COL4A6: variants seen among roughly 807,000 people sequenced by gnomAD.
The protein encoded by COL4A6 is collagen alpha-6(IV) chain.
A neutral mutation model predicts 126.7 loss-of-function variants in COL4A6; 59 were observed. That is an observed-to-expected ratio of 0.47 (90% CI 0.38 to 0.58). The LOEUF (loss-of-function observed/expected upper bound fraction) is 0.58, where lower values mean the gene tolerates loss of function less well. Ranked by LOEUF, COL4A6 falls within the 20% of genes least tolerant of loss-of-function variation. The probability of loss-of-function intolerance (pLI) is 0.00; values close to 1 mark genes in which losing one functional copy is unlikely to be tolerated. For missense variants in COL4A6, 1,285 were observed against 1,337.3 expected, an observed-to-expected ratio of 0.96 and a Z score of 0.61; for synonymous variants, 547 against 496.6, an observed-to-expected ratio of 1.10 and a Z score of -1.35.
chrX:108,343,459 G>C (rs1388072204), intron 2 of COL4A6, among the ~76,000 whole-genome samples: 2 of 110,265 alleles, frequency 1.8e-5, no homozygotes, highest in Non-Finnish European at 3.8e-5. Flanking sequence ...TTATAAAATA[G>C]TCCTTCTTTC....
chrX:108,158,004 A>G lies in COL4A6; in HGVS notation c.4813-744T>C, dbSNP rs146907358. Among the ~76,000 whole-genome samples, 27 of 111,965 alleles carry G rather than the reference A, an allele frequency of 2.4e-4. 2 individuals are homozygous for G. The Admixed American group carries it at 2.5e-3, about 11-fold the overall frequency. Reference sequence around the variant, plus strand: ...ATGAGACAAATGCCCAAGTTGGCACACAGGGACTCCTTACTTTGCAGAACT... The same window carrying G: ...ATGAGACAAATGCCCAAGTTGGCACGCAGGGACTCCTTACTTTGCAGAACT... On this transcript the variant is annotated intron_variant, in intron 44 of 44. Coordinates refer to ENST00000334504, the MANE Select transcript of COL4A6 (RefSeq NM_033641.4).
At chrX:108,304,352 A>G (rs1437535720) in intron 3 of COL4A6, among the ~76,000 whole-genome samples, 3 of 111,798 alleles carry the variant, frequency 2.7e-5, no homozygotes, top group Non-Finnish European at 5.6e-5. Context: ...ATGTTTTAAC[A>G]CTATCATTAA....
chrX:108,193,749 A>G lies in COL4A6; in HGVS notation c.1003-52T>C, dbSNP rs370906343. The G allele has an allele frequency of 3.7e-5, 37 of 1,012,279 alleles. No individual in the cohort carries two copies. The East Asian group carries it at 9.2e-4, about 25-fold the overall frequency. 83.4% of individuals were successfully genotyped at this position (1,012,279 alleles called of 1,213,427 possible). A position where few individuals can be genotyped will look rare whatever the true frequency, so the allele number is the denominator to read the frequency against. ...AAATATTTCCATTTCCTTATTACCC[A>G]AGATCTATGTGCCATTAAAGCCCAT... On this transcript the variant is annotated intron_variant, in intron 16 of 44. Transcript: ENST00000334504.
intron 2 of COL4A6, among the ~76,000 whole-genome samples, chrX:108,358,545 C>G (rs1477152661): frequency 9.1e-6 from 1 of 110,325 alleles, no homozygotes; most frequent in Non-Finnish European, 1.9e-5. Flanking sequence ...CAGGCGTGAG[C>G]CACTGCACCT....
At chrX:108,166,646 GA>G (rs2034137305) in intron 37 of COL4A6, among the ~76,000 whole-genome samples, 1 of 111,350 alleles carries the variant, frequency 9.0e-6, no homozygotes, top group South Asian at 3.7e-4. Flanking sequence ...TTTAGACAAA[GA>G]AAAAATAAAT....
intron 2 of COL4A6, among the ~76,000 whole-genome samples, chrX:108,382,686 C>A (rs897786859): frequency 9.1e-6 from 1 of 110,379 alleles, no homozygotes; most frequent in African/African-American, 3.3e-5. Context: ...GTGGCTCACG[C>A]TTGTAAACCC....
At chrX:108,159,123 A>G (rs1164365820) in intron 44 of COL4A6, among the ~76,000 whole-genome samples, 3 of 111,517 alleles carry the variant, frequency 2.7e-5, no homozygotes, top group African/African-American at 9.8e-5. Context: ...CCAAGTGGTG[A>G]CAGCCTCTCC....
At position 108,226,980 on chromosome X, in the gene COL4A6, C is replaced by A. The variant is rs1194718363; in HGVS notation, c.145-5606G>T. ...CTCTCCTAACCTCCTACTCCAGGGC[C>A]TTTTTATGTGCTTTTGTATATGGCT... On this transcript the variant is annotated intron_variant, in intron 3 of 44. Transcript: ENST00000334504. 2.7e-5 allele frequency among the ~76,000 whole-genome samples: 3 copies of A among 111,659 alleles called. No individual in the cohort carries two copies. The Admixed American group carries it at 2.9e-4, about 11-fold the overall frequency.
chrX:108,397,626 G>A (rs1210869989), intron 2 of COL4A6, among the ~76,000 whole-genome samples: 1 of 81,503 alleles, frequency 1.2e-5, no homozygotes, highest in African/African-American at 4.5e-5. Flanking sequence ...AAGCAGAGAG[G>A]AGCCATCTAA....
chrX:108,214,184 A>T lies in COL4A6; in HGVS notation c.369T>A (p.Asp123Glu). ...QPGPRGPPGL[D>E]GCNGTQGAVG... ...CAGCTCCTTGAGTTCCATTACAGCC[A>T]TCCAGACCAGGTGGGCCTCTGGGGC... The change falls in exon 6 of 45, where the codon GAT becomes GAA. Residue 123 changes from aspartate (D) to glutamate (E), a missense_variant. Physicochemically the swap from Asp to Glu is conservative, Grantham distance 45. Coordinates refer to ENST00000334504, the MANE Select transcript of COL4A6 (RefSeq NM_033641.4). The T allele has an allele frequency of 1.7e-6, 2 of 1,210,330 alleles. No individual in the cohort carries two copies. The highest frequency in any genetic ancestry group is 2.2e-6 in the Non-Finnish European group (2 of 894,808).
intron 2 of COL4A6, among the ~76,000 whole-genome samples, chrX:108,379,624 C>T (rs758346876): frequency 9.3e-6 from 1 of 107,863 alleles, no homozygotes; most frequent in Non-Finnish European, 1.9e-5. Flanking sequence ...CCTGCTGAGA[C>T]TCTGACTGAT....
chrX:108,241,553 A>G (rs1460875196), intron 3 of COL4A6, among the ~76,000 whole-genome samples: 1 of 90,647 alleles, frequency 1.1e-5, no homozygotes, highest in Admixed American at 1.2e-4. Context: ...AATAGTAAAT[A>G]TATATATATA....
intron 2 of COL4A6, among the ~76,000 whole-genome samples, chrX:108,360,525 C>T (rs2040059465): frequency 9.9e-6 from 1 of 100,816 alleles, no homozygotes; most frequent in South Asian, 4.9e-4. Context: ...TGAGAGTTGA[C>T]ACTTTAACCT....
intron 3 of COL4A6, among the ~76,000 whole-genome samples, chrX:108,279,648 A>T (rs2037738964): frequency 8.9e-6 from 1 of 111,881 alleles, no homozygotes; most frequent in Admixed American, 9.5e-5. Context: ...TGGACCTGAT[A>T]GACATCTACA....
chrX:108,212,923 G>A (rs919274821), intron 6 of COL4A6, among the ~76,000 whole-genome samples: 4 of 111,891 alleles, frequency 3.6e-5, no homozygotes, highest in Non-Finnish European at 7.5e-5. Context: ...GCATGTCCTT[G>A]CTTTGCTGGA....
chrX:108,226,036 A>G (rs1239192872), intron 3 of COL4A6, among the ~76,000 whole-genome samples: 1 of 112,463 alleles, frequency 8.9e-6, no homozygotes, highest in South Asian at 3.7e-4. Flanking sequence ...ATCCAGTTGT[A>G]TTGTAGAAGG....
At position 108,217,736 on chromosome X, in the gene COL4A6, A is replaced by G. The variant is rs753282792; in HGVS notation, c.324+1962T>C. Reference sequence around the variant, plus strand: ...CAACAAATACTTCTTGAGAGGCTTCAAGAGAGAGAAACAACAAGAAAGTGG... The same window carrying G: ...CAACAAATACTTCTTGAGAGGCTTCGAGAGAGAGAAACAACAAGAAAGTGG... On this transcript the variant is annotated intron_variant, in intron 5 of 44. Coordinates refer to ENST00000334504, the MANE Select transcript of COL4A6 (RefSeq NM_033641.4). Among the ~76,000 whole-genome samples, 3 of 111,908 alleles carry G rather than the reference A, an allele frequency of 2.7e-5. No homozygotes were observed. The South Asian group carries it at 1.1e-3, about 43-fold the overall frequency.
chrX:108,406,341 C>T (rs1293792010), intron 2 of COL4A6, among the ~76,000 whole-genome samples: 1 of 112,085 alleles, frequency 8.9e-6, no homozygotes. Flanking sequence ...TAACCCTTTA[C>T]TTACCAGACT....
At chrX:108,200,425 GTTATC>G (rs1199228121) in intron 13 of COL4A6, among the ~76,000 whole-genome samples, 4 of 112,240 alleles carry the variant, frequency 3.6e-5, no homozygotes, top group African/African-American at 1.3e-4. Context: ...ATGGCTGGCT[GTTATC>G]TTATTGAACA....
Sources: gnomAD v4.1 joint callset for allele counts (sites outside exome capture counted in the v4.1 genomes callset) on GRCh38, gnomAD v4.1.1 for gene constraint, MANE v1.5 for transcripts, NCBI Gene and HGNC (gene_info 2026-07-23, HGNC 2026-07-21) for gene names.